Variants in MAP4K3 observed in about 807,000 individuals in gnomAD.
MAP4K3 encodes MAPK/ERK kinase kinase kinase 3.
In MAP4K3, 94 loss-of-function variants were observed where a neutral mutation model predicts 143.5. The ratio of observed to expected loss-of-function variants is 0.65; its 90% CI spans 0.55 to 0.78. MAP4K3 has a LOEUF of 0.78. Among genes scored for constraint, MAP4K3 ranks in the 30% least tolerant of loss-of-function variants. MAP4K3 has a pLI of 0.00. For synonymous variants in MAP4K3, 416 were observed against 347.2 expected, an observed-to-expected ratio of 1.20 and a Z score of -2.20; for missense variants, 1,077 against 1,068.1, an observed-to-expected ratio of 1.01 and a Z score of -0.12.
intron 1 of MAP4K3, among the ~76,000 whole-genome samples, chr2:39,424,916 C>T (rs1350377519): frequency 6.6e-6 from 1 of 151,340 alleles, no homozygotes; most frequent in East Asian, 1.9e-4. Context: ...AAAAACAGTC[C>T]TCCAAGAATT....
chr2:39,417,364 C>T (rs988972274), intron 1 of MAP4K3, among the ~76,000 whole-genome samples: 5 of 152,050 alleles, frequency 3.3e-5, no homozygotes. Flanking sequence ...GGACTACAGG[C>T]GCCTGTCACC....
chr2:39,396,733 A>G (rs1666819272), intron 1 of MAP4K3, among the ~76,000 whole-genome samples: 1 of 152,166 alleles, frequency 6.6e-6, no homozygotes, highest in Non-Finnish European at 1.5e-5. Flanking sequence ...TCGGCCTCCC[A>G]AAGTGCTGGG....
chr2:39,271,570 C>T (rs889456042), intron 26 of MAP4K3, among the ~76,000 whole-genome samples: 3 of 152,046 alleles, frequency 2.0e-5, no homozygotes, highest in Middle Eastern at 3.4e-3. Context: ...AAGGCAAAAC[C>T]ACTCAACTTC....
chr2:39,255,694 T>A (rs1369173457), intron 31 of MAP4K3, among the ~76,000 whole-genome samples: 1 of 152,238 alleles, frequency 6.6e-6, no homozygotes, highest in Non-Finnish European at 1.5e-5. Flanking sequence ...TTTTTTACTT[T>A]AAAAAATTAT....
At position 39,333,542 on chromosome 2, in the gene MAP4K3, A is replaced by T. The variant is rs192928168; in HGVS notation, c.447T>A (p.His149Gln). 1.2e-6 allele frequency: 2 copies of T among 1,606,800 alleles called. No individual in the cohort carries two copies. The highest frequency in any genetic ancestry group is 1.7e-6 in the Non-Finnish European group (2 of 1,174,014). The change falls in exon 7 of 34, where the codon CAT (histidine) becomes CAA (glutamine). Residue 149 changes from histidine (H) to glutamine (Q), a missense_variant. Around this residue, in one of 2 missense-constraint regions of MAP4K3, gnomAD observed 213 missense variants for 266.8 expected, o/e 0.80. Coordinates refer to ENST00000263881, the MANE Select transcript of MAP4K3 (RefSeq NM_003618.4). ...TTCCAATTTACTTACCCAATTTCAC[A>T]TGACCATTATCCGTTAATAGAATGT... ...GANILLTDNG[H>Q]VKLADFGVSA...
intron 4 of MAP4K3, among the ~76,000 whole-genome samples, chr2:39,339,970 A>C (rs958007759): frequency 6.6e-6 from 1 of 152,210 alleles, no homozygotes; most frequent in African/African-American, 2.4e-5. Context: ...GGGTTGTGGA[A>C]AGTTATTAAA....
intron 27 of MAP4K3, among the ~76,000 whole-genome samples, 171 bp downstream of exon 27, chr2:39,267,018 G>A (rs985195907): frequency 1.3e-5 from 2 of 151,996 alleles, no homozygotes; most frequent in Admixed American, 6.6e-5. Context: ...TTATTTGCAA[G>A]GTACTATGTA....
At chr2:39,327,055 T>C (rs1267029222) in intron 8 of MAP4K3, among the ~76,000 whole-genome samples, 1 of 152,188 alleles carries the variant, frequency 6.6e-6, no homozygotes, top group Non-Finnish European at 1.5e-5. Flanking sequence ...TATAAAAATA[T>C]ACAATTCTAA....
chr2:39,424,536 A>T (rs529119207), intron 1 of MAP4K3, among the ~76,000 whole-genome samples: 2 of 152,182 alleles, frequency 1.3e-5, no homozygotes, highest in East Asian at 1.9e-4. Flanking sequence ...CAGTTTTTTT[A>T]AAAAAGGGTT....
intron 2 of MAP4K3, among the ~76,000 whole-genome samples, 196 bp from the exon 3 acceptor site, chr2:39,356,535 T>C (rs182121557): frequency 1.6e-4 from 24 of 152,342 alleles, no homozygotes; most frequent in African/African-American, 5.8e-4. Flanking sequence ...AAATATAGCA[T>C]AGTGCTTAAA....
chr2:39,308,076 A>G lies in MAP4K3; in HGVS notation c.1057-71T>C, dbSNP rs555267709. On this transcript the variant is annotated intron_variant, in intron 14 of 33. Coordinates refer to ENST00000263881, the MANE Select transcript of MAP4K3 (RefSeq NM_003618.4). ...AAAAGCCACAAATTCACAAAGGGAA[A>G]CTTTCACAAATGAAGTAAGTCCTGC... 137 of 1,074,338 alleles carry G rather than the reference A, an allele frequency of 1.3e-4. No homozygotes were observed. In the East Asian group the frequency reaches 2.4e-3, roughly 19 times the overall value. The allele number at this position is 1,074,338 out of a possible 1,614,324, so 66.6% of individuals were successfully genotyped here.
intron 24 of MAP4K3, among the ~76,000 whole-genome samples, chr2:39,276,432 C>T (rs746426013): frequency 2.6e-5 from 4 of 152,156 alleles, no homozygotes; most frequent in Non-Finnish European, 5.9e-5. Flanking sequence ...TCTCTAGGTC[C>T]AGCATTTCTC....
intron 29 of MAP4K3, among the ~76,000 whole-genome samples, chr2:39,259,604 G>A (rs1296158293): frequency 2.0e-5 from 3 of 152,084 alleles, no homozygotes; most frequent in Non-Finnish European, 2.9e-5. Flanking sequence ...TGTTTTAAAT[G>A]TTTCCTATGT....
intron 1 of MAP4K3, among the ~76,000 whole-genome samples, chr2:39,379,453 G>C (rs1294611374): frequency 6.6e-6 from 1 of 152,000 alleles, no homozygotes; most frequent in African/African-American, 2.4e-5. Flanking sequence ...CATAAAATGG[G>C]ATAGATGTTT....
chr2:39,352,570 C>G (rs541286775), intron 3 of MAP4K3, among the ~76,000 whole-genome samples: 1 of 151,940 alleles, frequency 6.6e-6, no homozygotes, highest in Non-Finnish European at 1.5e-5. Flanking sequence ...CATACCAAAC[C>G]GGGACTATTT....
chr2:39,320,170 G>C (rs1039640944), intron 12 of MAP4K3, among the ~76,000 whole-genome samples: 1 of 152,094 alleles, frequency 6.6e-6, no homozygotes, highest in Non-Finnish European at 1.5e-5. Flanking sequence ...TGTTCATCGA[G>C]TTAAATATAA....
intron 15 of MAP4K3, among the ~76,000 whole-genome samples, chr2:39,303,729 C>T (rs958387558): frequency 6.6e-6 from 1 of 152,028 alleles, no homozygotes; most frequent in Non-Finnish European, 1.5e-5. Flanking sequence ...AATAGAGATG[C>T]GGTTGCCACA....
intron 33 of MAP4K3, among the ~76,000 whole-genome samples, chr2:39,251,415 C>T (rs1007093802): frequency 6.6e-6 from 1 of 152,228 alleles, no homozygotes; most frequent in African/African-American, 2.4e-5. Flanking sequence ...TGAAGCTATG[C>T]AAACCTTCTG....
At chr2:39,321,400 CCTT>C (rs1014917095) in intron 12 of MAP4K3, among the ~76,000 whole-genome samples, 5 of 152,126 alleles carry the variant, frequency 3.3e-5, no homozygotes, top group Non-Finnish European at 7.3e-5. Flanking sequence ...GCAGCATGCT[CCTT>C]AAGAGTCATC....
Sources: gnomAD v4.1 joint callset for allele counts (sites outside exome capture counted in the v4.1 genomes callset) on GRCh38, gnomAD v4.1.1 for gene constraint, gnomAD v4.1.1 regional missense constraint, MANE v1.5 for transcripts, NCBI Gene and HGNC (gene_info 2026-07-23, HGNC 2026-07-21) for gene names.